SYTL3: variants seen among roughly 807,000 people sequenced by gnomAD.
SYTL3 encodes synaptotagmin-like protein 3.
A neutral mutation model predicts 82.1 loss-of-function variants in SYTL3; 88 were observed. The ratio of observed to expected loss-of-function variants is 1.07; its 90% CI spans 0.90 to 1.28. SYTL3 has a LOEUF of 1.28. Among genes scored for constraint, SYTL3 ranks in the 50% most tolerant of loss-of-function variants. SYTL3 has a pLI of 0.00. For synonymous variants in SYTL3, 311 were observed against 289.4 expected (o/e 1.07, Z -0.76); for missense variants, 831 against 757.6 (o/e 1.10, Z -1.14).
chr6:158,713,168 T>C (rs1782953158), intron 8 of SYTL3, among the ~76,000 whole-genome samples: 1 of 152,056 alleles, frequency 6.6e-6, no homozygotes, highest in Non-Finnish European at 1.5e-5. Flanking sequence ...GTGCTCATGA[T>C]GTATTTATTG....
chr6:158,764,585 T>C lies in SYTL3; in HGVS notation c.1814T>C (p.Met605Thr), dbSNP rs188114564. ...TCCAGCCCCAATCTATGGACAGACA[T>C]GACTCTTGTCCTGCACTGACATGAA... ...VLSSPNLWTD[M>T]TLVLH The change falls in exon 18 of 18, where the codon ATG becomes ACG. Residue 605 changes from methionine to threonine, a missense_variant. By Grantham distance (81) the Met-to-Thr change is moderately conservative. Transcript: ENST00000611299. 5.3e-5 allele frequency: 85 copies of C among 1,613,908 alleles called. No individual in the cohort carries two copies. In the East Asian group the frequency reaches 1.7e-3, roughly 33 times the overall value.
rs772062196 is a variant in SYTL3, at chr6:158,751,976, C to G, written c.1083C>G (p.Arg361=). ...CCGACAGATCCTCCCAGGGAAAGCG[C>G]AAGACTGGAGTCCAAAGGAACACCG... The part of the protein sequence containing the change: ...LLPDRSSQGK[R]KTGVQRNTVD... Residue 361 remains arginine, a synonymous_variant, in exon 13 of 18, where the codon CGC becomes CGG. Coordinates refer to ENST00000611299, the MANE Select transcript of SYTL3 (RefSeq NM_001242394.2). The G allele has an allele frequency of 1.2e-6, 2 of 1,602,672 alleles. No homozygotes were observed. The highest frequency in any genetic ancestry group is 1.1e-5 in the South Asian group (1 of 88,942).
At chr6:158,713,130 A>C (rs1013745772) in intron 8 of SYTL3, among the ~76,000 whole-genome samples, 1 of 152,024 alleles carries the variant, frequency 6.6e-6, no homozygotes, top group Non-Finnish European at 1.5e-5. Context: ...GGAAATTTCA[A>C]ATTCTCCAGA....
chr6:158,652,528 C>T (rs916912518), intron 2 of SYTL3, among the ~76,000 whole-genome samples: 12 of 151,478 alleles, frequency 7.9e-5, no homozygotes, highest in Non-Finnish European at 1.3e-4. Flanking sequence ...GGATTACAAG[C>T]GTGAGCCACC....
intron 11 of SYTL3, among the ~76,000 whole-genome samples, chr6:158,735,919 TTCTCTTTAGTTGAAC>T (rs1320525433): frequency 3.9e-5 from 6 of 152,224 alleles, no homozygotes; most frequent in Non-Finnish European, 5.9e-5. Context: ...CTTTTACTTG[TTCTCTTTAGTTGAAC>T]TCTCTTTAGT....
intron 15 of SYTL3, among the ~76,000 whole-genome samples, chr6:158,760,974 T>G (rs1789840588): frequency 6.6e-6 from 1 of 152,126 alleles, no homozygotes; most frequent in African/African-American, 2.4e-5. Flanking sequence ...TCTGATGCCC[T>G]CTCTACGCTC....
At chr6:158,674,232 C>T (rs1777769961) in intron 5 of SYTL3, among the ~76,000 whole-genome samples, 1 of 152,088 alleles carries the variant, frequency 6.6e-6, no homozygotes, top group African/African-American at 2.4e-5. Flanking sequence ...ACTTTCTAGC[C>T]TGCCATTTCT....
intron 3 of SYTL3, among the ~76,000 whole-genome samples, chr6:158,662,242 A>T (rs777442398): frequency 3.3e-5 from 5 of 152,216 alleles, no homozygotes; most frequent in African/African-American, 4.8e-5. Flanking sequence ...TATTGATTTG[A>T]TCTTCTGCAT....
chr6:158,760,563 C>G (rs1328385236), intron 14 of SYTL3, 77 bp from the exon 15 acceptor site: 2 of 1,304,740 alleles, frequency 1.5e-6, no homozygotes, highest in African/African-American at 2.9e-5. Context: ...GTGGACGAAG[C>G]TGAGACAACC....
At chr6:158,656,581 C>T (rs1200901070) in intron 2 of SYTL3, among the ~76,000 whole-genome samples, 7 of 152,150 alleles carry the variant, frequency 4.6e-5, no homozygotes, top group East Asian at 1.9e-4. Flanking sequence ...AAAAATTAGC[C>T]GGGCATGGTG....
intron 9 of SYTL3, among the ~76,000 whole-genome samples, chr6:158,716,161 A>G (rs922074342): frequency 5.3e-5 from 8 of 152,210 alleles, no homozygotes; most frequent in African/African-American, 1.9e-4. Flanking sequence ...AGATGTCAGC[A>G]CTGTAGTCCC....
At chr6:158,683,768 G>T (rs1778991666) in intron 6 of SYTL3, among the ~76,000 whole-genome samples, 1 of 152,222 alleles carries the variant, frequency 6.6e-6, no homozygotes. Context: ...TATAATACTT[G>T]AGCAAGATGA....
At chr6:158,698,466 A>G (rs116488621) in intron 6 of SYTL3, among the ~76,000 whole-genome samples, 1,904 of 151,050 alleles carry the variant, frequency 0.013, 46 homozygotes, top group African/African-American at 0.044. Flanking sequence ...ATGATTCTTT[A>G]CATGCTGAGG....
rs578125751 is a variant in SYTL3, at chr6:158,764,838, T to G, written c.*234T>G. On this transcript the variant is annotated 3_prime_UTR_variant, in exon 18 of 18. Coordinates refer to ENST00000611299, the MANE Select transcript of SYTL3 (RefSeq NM_001242394.2). ...TATCTCCTCTTTGAGATGTAGAAAA[T>G]GGCCAGATTTTAATAAACGTTGTTA... 4.9e-6 allele frequency: 2 copies of G among 405,486 alleles called. No homozygotes were observed. The highest frequency in any genetic ancestry group is 1.1e-4 in the South Asian group (2 of 18,964). The allele number at this position is 405,486 out of a possible 1,614,324, so 25.1% of individuals were successfully genotyped here.
chr6:158,708,374 A>C lies in SYTL3; in HGVS notation c.499A>C (p.Ser167Arg). 3 of 1,614,138 alleles carry C rather than the reference A, an allele frequency of 1.9e-6. No individual in the cohort carries two copies. Among genetic ancestry groups the C allele is most frequent in the Non-Finnish European group, 2.5e-6 (3 of 1,180,012 alleles). Residue 167 changes from serine to arginine, a missense_variant, in exon 8 of 18, where the codon AGC becomes CGC. Ser to Arg is a moderately radical substitution (Grantham distance 110). Coordinates refer to ENST00000611299, the MANE Select transcript of SYTL3 (RefSeq NM_001242394.2). ...TPPPVSESQC[S>R]RSPGRLQEFG... The stretch of plus-strand genomic sequence containing the variant: ...ACCTCCTGTCAGCGAGAGCCAGTGC[A>C]GCCGCAGTCCTGGCAGGGTAACGTA...
Position 158,681,059 on chromosome 6 carries a change from A to C in SYTL3, c.330-1866A>C, listed in dbSNP as rs56828375. On this transcript the variant is annotated intron_variant, in intron 5 of 17. Transcript: ENST00000611299. The stretch of plus-strand genomic sequence containing the variant: ...CCTAATGGAGAATTTATTTCAGTCA[A>C]TACTGTAATTTATAGAAGAGAATCA... Among the ~76,000 whole-genome samples, 1,166 of 152,344 alleles carry C rather than the reference A, an allele frequency of 7.7e-3. 9 individuals are homozygous for C. The highest frequency in any genetic ancestry group is 0.026 in the African/African-American group (1,087 of 41,582).
At chr6:158,646,862 C>T (rs67654777), upstream of SYTL3, among the ~76,000 whole-genome samples, 16,195 of 152,152 alleles carry the variant, frequency 0.11, 1,090 homozygotes, top group Non-Finnish European at 0.15. Flanking sequence ...CCTGAGATCT[C>T]GTTTTGGATG....
chr6:158,746,888 A>G lies in SYTL3; in HGVS notation c.1034+1230A>G, dbSNP rs192078075. On this transcript the variant is annotated intron_variant, in intron 12 of 17. Transcript: ENST00000611299. ...AACCTGATCTTGAACTCTCAGACTCAAGCAGTTCTCCCACCTCAGCCTCCC... is the reference window on the plus strand; with the variant it reads ...AACCTGATCTTGAACTCTCAGACTCGAGCAGTTCTCCCACCTCAGCCTCCC... 7.7e-3 allele frequency among the ~76,000 whole-genome samples: 1,166 copies of G among 152,062 alleles called. 8 individuals carry two copies. The highest frequency in any genetic ancestry group is 0.013 in the Non-Finnish European group (870 of 67,998).
At chr6:158,733,609 G>A (rs139893970) in intron 11 of SYTL3, among the ~76,000 whole-genome samples, 5,211 of 151,976 alleles carry the variant, frequency 0.034, 146 homozygotes, top group Non-Finnish European at 0.044. Flanking sequence ...TGACAGGCGT[G>A]AGCCACCGTG....
Sources: gnomAD v4.1 joint callset for allele counts (sites outside exome capture counted in the v4.1 genomes callset) on GRCh38, gnomAD v4.1.1 for gene constraint, MANE v1.5 for transcripts, NCBI Gene and HGNC (gene_info 2026-07-23, HGNC 2026-07-21) for gene names.